ZBTB37: variants seen among roughly 807,000 people sequenced by gnomAD.
ZBTB37 encodes the protein zinc finger and BTB domain containing 37, also known as zinc finger and BTB domain-containing protein 37.
A neutral mutation model predicts 37.7 loss-of-function variants in ZBTB37; 15 were observed. The ratio of observed to expected loss-of-function variants is 0.40; its 90% CI spans 0.27 to 0.61. The LOEUF is 0.61. ZBTB37 is among the 20% of genes least tolerant of loss of function. ZBTB37 has a pLI of 0.44. For missense variants in ZBTB37, 514 were observed against 641.9 expected, an observed-to-expected ratio of 0.80 and a Z score of 2.15; for synonymous variants, 231 against 220.6, an observed-to-expected ratio of 1.05 and a Z score of -0.42.
rs192676478 is a variant in ZBTB37 at position 173,886,602 on chromosome 1, C to T, written c.*478C>T. ...TGAGGAGGAGAAATTTCTCCTCTTC[C>T]TTCCCTGGCATAACATGCATTTTTG... On this transcript the variant is annotated 3_prime_UTR_variant, in exon 5 of 5. Transcript: ENST00000427304. 2.8e-3 allele frequency: 435 copies of T among 153,590 alleles called. 1 individual carries two copies. The highest frequency in any genetic ancestry group is 9.7e-3 in the African/African-American group (401 of 41,508). 9.5% of individuals were successfully genotyped at this position (153,590 alleles called of 1,614,324 possible).
At chr1:173,885,125 T>C (rs776549697) in intron 4 of ZBTB37, among the ~76,000 whole-genome samples, 10 of 152,158 alleles carry the variant, frequency 6.6e-5, no homozygotes, top group Admixed American at 1.3e-4. Flanking sequence ...TCCCAGCTAC[T>C]CAGGAGGCTG....
intron 4 of ZBTB37, among the ~76,000 whole-genome samples, chr1:173,879,225 A>G (rs1656161003): frequency 6.6e-6 from 1 of 152,150 alleles, no homozygotes; most frequent in Admixed American, 6.5e-5. Context: ...TCCAGAATCC[A>G]GCAGTGTCTT....
chr1:173,879,648 G>A (rs990536934), intron 4 of ZBTB37, among the ~76,000 whole-genome samples: 25 of 152,188 alleles, frequency 1.6e-4, no homozygotes, highest in Middle Eastern at 6.8e-3. Context: ...AAAAGAACAC[G>A]GAGAAGTAGT....
At chr1:173,870,694 C>G in exon 3 of ZBTB37, 2 of 1,614,162 alleles carry the variant, frequency 1.2e-6, no homozygotes, top group Non-Finnish European at 1.7e-6. Context: ...CAGGGTTACA[C>G]CAAATCTCAA....
exon 4 of ZBTB37, chr1:173,893,523 G>A (rs572555499): frequency 5.9e-5 from 9 of 152,274 alleles, no homozygotes; most frequent in Middle Eastern, 3.4e-3. Flanking sequence ...TGGCGTCTGG[G>A]ATGTATTGCT....
downstream of ZBTB37, chr1:173,887,019 C>T (rs750765067): frequency 1.3e-5 from 2 of 152,156 alleles, no homozygotes; most frequent in Non-Finnish European, 2.9e-5. Flanking sequence ...GGCTGACTAC[C>T]AAAGTTTCAT....
exon 4 of ZBTB37, chr1:173,898,828 A>G (rs539065673): frequency 6.6e-6 from 1 of 152,310 alleles, no homozygotes; most frequent in South Asian, 2.1e-4. Context: ...CTAAGGAGGA[A>G]CTGTTGGTCC....
chr1:173,873,373 C>T (rs1655698425), intron 3 of ZBTB37, 94 bp from the exon 4 acceptor site: 1 of 1,331,088 alleles, frequency 7.5e-7, no homozygotes, highest in African/African-American at 1.5e-5. Context: ...TTCCCCCTTC[C>T]TCAGCCATAG....
At chr1:173,879,961 GGAGA>G (rs1656208668) in intron 4 of ZBTB37, among the ~76,000 whole-genome samples, 1 of 152,078 alleles carries the variant, frequency 6.6e-6, no homozygotes. Flanking sequence ...AAAAGAACAT[GGAGA>G]AAGACCAGCA....
At chr1:173,887,965 A>C (rs546087087), downstream of ZBTB37, 19 of 152,352 alleles carry the variant, frequency 1.2e-4, no homozygotes, top group African/African-American at 4.6e-4. Flanking sequence ...GTACATGTAC[A>C]TAAAGCTGCA....
At chr1:173,903,503 C>A in exon 4 of ZBTB37, 1 of 236,174 alleles carries the variant, frequency 4.2e-6, no homozygotes, top group Non-Finnish European at 8.4e-6. Context: ...TGTAAAAGAA[C>A]ATTATGCATG....
intron 4 of ZBTB37, among the ~76,000 whole-genome samples, chr1:173,885,203 C>G (rs970780342): frequency 1.3e-5 from 2 of 152,162 alleles, no homozygotes; most frequent in African/African-American, 4.8e-5. Context: ...CCACTGCACT[C>G]CAGCCTGAGT....
intron 4 of ZBTB37, among the ~76,000 whole-genome samples, chr1:173,879,337 C>A (rs1182377706): frequency 6.6e-6 from 1 of 152,042 alleles, no homozygotes. Flanking sequence ...TTGCATCAAT[C>A]ATTTCAGAGT....
At chr1:173,898,364 G>A (rs1657133166) in exon 4 of ZBTB37, 1 of 151,958 alleles carries the variant, frequency 6.6e-6, no homozygotes, top group Admixed American at 6.6e-5. Context: ...GGGAGGCTGA[G>A]GCAGGAGAAT....
chr1:173,880,991 C>T (rs1234077365), intron 4 of ZBTB37, among the ~76,000 whole-genome samples: 5 of 150,648 alleles, frequency 3.3e-5, no homozygotes, highest in East Asian at 3.9e-4. Context: ...TTCTAGGGTA[C>T]ATGTGCACAA....
upstream of ZBTB37, chr1:173,868,164 A>G (rs1474625678): frequency 6.3e-6 from 1 of 158,426 alleles, no homozygotes; most frequent in African/African-American, 2.4e-5. Flanking sequence ...CTTCCTCGCC[A>G]TTGTGGGCAG....
chr1:173,894,880 G>GTCTA (rs1353625944), exon 4 of ZBTB37: 1 of 151,984 alleles, frequency 6.6e-6, no homozygotes, highest in African/African-American at 2.4e-5. Flanking sequence ...CATTTATTAT[G>GTCTA]TCTACCATGG....
exon 4 of ZBTB37, chr1:173,902,266 T>TA (rs1322861677): frequency 2.0e-5 from 3 of 152,264 alleles, no homozygotes; most frequent in Non-Finnish European, 4.4e-5. Context: ...TTCTAAAGGC[T>TA]ACCATAATAT....
At chr1:173,871,731 T>C (rs79491167) in intron 3 of ZBTB37, among the ~76,000 whole-genome samples, 16,966 of 152,262 alleles carry the variant, frequency 0.11, 1,193 homozygotes, top group East Asian at 0.35. Context: ...CTTTCATGGA[T>C]GACTGCTGCT....
Sources: allele counts gnomAD v4.1 joint callset (sites outside exome capture counted in the v4.1 genomes callset), GRCh38; gene constraint gnomAD v4.1.1; transcripts MANE v1.5; gene names NCBI Gene and HGNC (gene_info 2026-07-23, HGNC 2026-07-21).